RAB3GAP2: variants seen among roughly 807,000 people sequenced by gnomAD.
RAB3GAP2 encodes the protein rab3 GTPase-activating protein non-catalytic subunit.
A neutral mutation model predicts 185.3 loss-of-function variants in RAB3GAP2; 87 were observed. The ratio of observed to expected loss-of-function variants is 0.47; its 90% CI spans 0.39 to 0.56. RAB3GAP2 has a LOEUF of 0.56. Among genes scored for constraint, RAB3GAP2 ranks in the 20% least tolerant of loss-of-function variants. RAB3GAP2 has a pLI of 0.00. For synonymous variants in RAB3GAP2, 554 were observed against 576.1 expected, an observed-to-expected ratio of 0.96 and a Z score of 0.55; for missense variants, 1,492 against 1,638.2, an observed-to-expected ratio of 0.91 and a Z score of 1.54.
At chr1:220,201,272 T>C (rs1658852800) in intron 9 of RAB3GAP2, among the ~76,000 whole-genome samples, 6 of 152,090 alleles carry the variant, frequency 3.9e-5, no homozygotes. Context: ...TCTTGAACTC[T>C]TGGGCTCAAG....
chr1:220,189,654 G>A (rs1380924546), intron 17 of RAB3GAP2, 49 bp downstream of exon 17: 2 of 1,488,576 alleles, frequency 1.3e-6, no homozygotes, highest in African/African-American at 2.8e-5. Flanking sequence ...TCTTAAGAAG[G>A]ATGTATTATA....
chr1:220,247,486 A>C (rs1376139700), intron 1 of RAB3GAP2, among the ~76,000 whole-genome samples: 1 of 152,214 alleles, frequency 6.6e-6, no homozygotes, highest in East Asian at 1.9e-4. Flanking sequence ...CAGTTTTCTA[A>C]GTGAAGTAAC....
intron 34 of RAB3GAP2, 68 bp downstream of exon 34, chr1:220,151,538 T>C: frequency 1.9e-6 from 3 of 1,586,134 alleles, no homozygotes; most frequent in Non-Finnish European, 2.6e-6. Flanking sequence ...TCTTCATAAC[T>C]GTTATTAACC....
At chr1:220,193,814 C>T (rs1296184812) in intron 12 of RAB3GAP2, among the ~76,000 whole-genome samples, 2 of 152,108 alleles carry the variant, frequency 1.3e-5, no homozygotes, top group East Asian at 3.9e-4. Flanking sequence ...CAAAAACCTT[C>T]CTTTTTCTAA....
At position 220,157,337 on chromosome 1, in the gene RAB3GAP2, G is replaced by C. The variant is rs1335018740; in HGVS notation, c.3488C>G (p.Ser1163Cys). The part of the protein sequence containing the change: ...PLVEHHSILC[S>C]ILYAVMRFSL... The stretch of plus-strand genomic sequence containing the variant: ...AAACCTCATGACTGCATACAAGATG[G>C]AGCACAGGATGGAGTGGTGCTCCAC... Residue 1163 changes from serine (S) to cysteine (C), a missense_variant, in exon 31 of 35, where the codon TCC becomes TGC. Coordinates refer to ENST00000358951, the MANE Select transcript of RAB3GAP2 (RefSeq NM_012414.4). 1 of 1,613,782 alleles carries C rather than the reference G, an allele frequency of 6.2e-7. No individual in the cohort carries two copies. Among genetic ancestry groups the C allele is most frequent in the Non-Finnish European group, 8.5e-7 (1 of 1,179,984 alleles).
At chr1:220,192,423 G>A (rs1410167421) in intron 13 of RAB3GAP2, among the ~76,000 whole-genome samples, 1 of 152,170 alleles carries the variant, frequency 6.6e-6, no homozygotes, top group African/African-American at 2.4e-5. Context: ...GGTCTATGCT[G>A]ACATGTTACT....
intron 1 of RAB3GAP2, among the ~76,000 whole-genome samples, chr1:220,248,888 C>T (rs1160806537): frequency 1.3e-5 from 2 of 152,176 alleles, no homozygotes; most frequent in East Asian, 3.9e-4. Flanking sequence ...ATTCTCCTTC[C>T]TGCCACCATG....
intron 8 of RAB3GAP2, among the ~76,000 whole-genome samples, chr1:220,204,847 T>C (rs907447868): frequency 1.3e-5 from 2 of 151,498 alleles, no homozygotes; most frequent in Non-Finnish European, 2.9e-5. Flanking sequence ...TTTGGTTTTT[T>C]GTCCTTGCGA....
rs1446107694 is a variant in RAB3GAP2 at position 220,167,377 on chromosome 1, C to A, written c.3003G>T (p.Glu1001Asp). The A allele has an allele frequency of 6.2e-7, 1 of 1,614,138 alleles. No individual in the cohort carries two copies. The highest frequency in any genetic ancestry group is 1.7e-5 in the Admixed American group (1 of 60,032). Reference protein sequence around the residue: ...AIPDLLHLAYEQFPCSLELDV... With the variant: ...AIPDLLHLAYDQFPCSLELDV... Reference sequence around the variant, plus strand: ...CGAGCTCAAGGCTACAAGGAAACTGCTCATAGGCTAAATGCAGTAAGTCTG... The same window carrying A: ...CGAGCTCAAGGCTACAAGGAAACTGATCATAGGCTAAATGCAGTAAGTCTG... The change falls in exon 26 of 35, where the codon GAG becomes GAT. Residue 1001 changes from glutamate (E) to aspartate (D), a missense_variant. Glu to Asp is a conservative substitution (Grantham distance 45, BLOSUM62 2). Coordinates refer to ENST00000358951, the MANE Select transcript of RAB3GAP2 (RefSeq NM_012414.4).
At chr1:220,211,051 A>G (rs1659077583) in intron 4 of RAB3GAP2, 49 bp from the exon 5 acceptor site, 1 of 1,545,922 alleles carries the variant, frequency 6.5e-7, no homozygotes, top group Non-Finnish European at 8.9e-7. Context: ...CTTACCAATT[A>G]CTTTTATTTC....
chr1:220,222,693 T>C (rs1659328673), intron 2 of RAB3GAP2, among the ~76,000 whole-genome samples: 1 of 152,192 alleles, frequency 6.6e-6, no homozygotes, highest in Non-Finnish European at 1.5e-5. Context: ...CATTTATTCT[T>C]CAATTGTATA....
At position 220,157,833 on chromosome 1, in the gene RAB3GAP2, G is replaced by C; in HGVS notation, c.3305C>G (p.Ser1102Cys). Residue 1102 changes from serine (S) to cysteine (C), a missense_variant, in exon 30 of 35, where the codon TCC (serine) becomes TGC (cysteine). Ser to Cys is a moderately radical substitution (Grantham distance 112). Transcript: ENST00000358951. ...TAAGATCTGAAGAAGATCCAAACAG[G>C]AGCCGAGGAAAGATGTCATTGCTGT... ...SDTAMTSFLGSCLDLLQILME... is the reference protein window; with the variant it reads ...SDTAMTSFLGCCLDLLQILME... 1.2e-6 allele frequency: 2 copies of C among 1,613,694 alleles called. No homozygotes were observed. The highest frequency in any genetic ancestry group is 1.1e-5 in the South Asian group (1 of 91,064).
chr1:220,156,726 G>A (rs1350412094), intron 31 of RAB3GAP2, among the ~76,000 whole-genome samples: 2 of 152,194 alleles, frequency 1.3e-5, no homozygotes, highest in Non-Finnish European at 2.9e-5. Flanking sequence ...GAATTTACAA[G>A]AATGAATTTA....
rs1657753863 is a variant in RAB3GAP2, at chr1:220,151,533, A to G, written c.4026+73T>C. 11 of 1,586,888 alleles carry G rather than the reference A, an allele frequency of 6.9e-6. No homozygotes were observed. In the Admixed American group the frequency reaches 1.0e-4, roughly 14 times the overall value. ...GAATTAAACTTGTCAAATTTTCTTC[A>G]TAACTGTTATTAACCAGGCACTCAA... On this transcript the variant is annotated intron_variant, in intron 34 of 34. Coordinates refer to ENST00000358951, the MANE Select transcript of RAB3GAP2 (RefSeq NM_012414.4).
intron 12 of RAB3GAP2, among the ~76,000 whole-genome samples, chr1:220,194,051 A>T (rs1017639268): frequency 3.4e-4 from 52 of 152,180 alleles, no homozygotes; most frequent in African/African-American, 1.3e-3. Flanking sequence ...TGTATTTTTT[A>T]AAAAGATGAA....
intron 1 of RAB3GAP2, chr1:220,267,666 A>G (rs1003509145): frequency 6.6e-7 from 1 of 1,507,824 alleles, no homozygotes; most frequent in Non-Finnish European, 9.2e-7. Flanking sequence ...AGGATGAGGT[A>G]CACTGGTTGC....
At position 220,164,943 on chromosome 1, in the gene RAB3GAP2, G is replaced by A. The variant is rs533062748; in HGVS notation, c.3088-144C>T. On this transcript the variant is annotated intron_variant, in intron 26 of 34. Transcript: ENST00000358951. ...ATAATAACATGAAATTATTGGATAA[G>A]AAATAACTTTTGATAAACTGTCCCT... The A allele has an allele frequency of 6.7e-4, 542 of 809,390 alleles. 1 individual carries two copies. The African/African-American group carries it at 7.0e-3, about 10-fold the overall frequency. The allele number at this position is 809,390 out of a possible 1,614,324, so 50.1% of individuals were successfully genotyped here. A position where few individuals can be genotyped will look rare whatever the true frequency, so the allele number is the denominator to read the frequency against.
chr1:220,266,207 T>C (rs1660223905), intron 1 of RAB3GAP2: 1 of 181,628 alleles, frequency 5.5e-6, no homozygotes, highest in Admixed American at 5.4e-5. Context: ...ATAAAAGTAC[T>C]TTTTTTTCTG....
chr1:220,245,429 C>A (rs1273353532), intron 1 of RAB3GAP2, among the ~76,000 whole-genome samples: 1 of 152,184 alleles, frequency 6.6e-6, no homozygotes, highest in African/African-American at 2.4e-5. Flanking sequence ...AAAATCGGGT[C>A]ACTCCCACCC....
Sources: allele counts gnomAD v4.1 joint callset (sites outside exome capture counted in the v4.1 genomes callset), GRCh38; gene constraint gnomAD v4.1.1; transcripts MANE v1.5; gene names NCBI Gene and HGNC (gene_info 2026-07-23, HGNC 2026-07-21).